Variants in NRG3 observed in about 807,000 individuals in gnomAD.
The protein encoded by NRG3 is pro-neuregulin-3, membrane-bound isoform.
Under a neutral mutation model 66.9 loss-of-function variants are expected in NRG3, and 31 were observed. The observed-to-expected ratio is 0.46, with a 90% confidence interval of 0.35 to 0.63. The LOEUF is 0.63. Ranked by LOEUF, NRG3 falls within the 20% of genes least tolerant of loss-of-function variation. NRG3 has a pLI of 0.00. For synonymous variants in NRG3, 393 were observed against 359.4 expected (o/e 1.09, Z -1.06); for missense variants, 910 against 878.9 (o/e 1.04, Z -0.45).
chr10:82,602,745 C>A (rs1332868694), intron 2 of NRG3, among the ~76,000 whole-genome samples: 1 of 152,120 alleles, frequency 6.6e-6, no homozygotes, highest in African/African-American at 2.4e-5. Context: ...TCTCCATTCT[C>A]TTGATAAGAA....
intron 1 of NRG3, among the ~76,000 whole-genome samples, chr10:82,055,359 CT>C (rs2063788998): frequency 6.6e-6 from 1 of 151,638 alleles, no homozygotes; most frequent in South Asian, 2.1e-4. Context: ...CGCCTGTAAT[CT>C]CAGCTACTCG....
chr10:82,653,389 G>T (rs768104557), intron 2 of NRG3, among the ~76,000 whole-genome samples: 1 of 152,192 alleles, frequency 6.6e-6, no homozygotes, highest in Non-Finnish European at 1.5e-5. Flanking sequence ...AGGGCTCAAA[G>T]AAGAGAAGTT....
chr10:82,202,585 G>C (rs2074896533), intron 1 of NRG3, among the ~76,000 whole-genome samples: 1 of 152,114 alleles, frequency 6.6e-6, no homozygotes, highest in African/African-American at 2.4e-5. Flanking sequence ...ATATTACTTG[G>C]AAATCCTGTT....
intron 1 of NRG3, among the ~76,000 whole-genome samples, chr10:82,096,464 G>C (rs1042783185): frequency 1.3e-5 from 2 of 151,862 alleles, no homozygotes; most frequent in African/African-American, 4.8e-5. Context: ...GACAGAGCGA[G>C]AGTCTCAAAA....
intron 1 of NRG3, among the ~76,000 whole-genome samples, chr10:82,175,072 T>G (rs2072927538): frequency 6.6e-6 from 1 of 152,180 alleles, no homozygotes; most frequent in African/African-American, 2.4e-5. Flanking sequence ...CCTTCTTGTT[T>G]CCTTTGTTTC....
chr10:82,212,998 C>G (rs1019415100), intron 1 of NRG3, among the ~76,000 whole-genome samples: 1 of 152,078 alleles, frequency 6.6e-6, no homozygotes, highest in Non-Finnish European at 1.5e-5. Flanking sequence ...CTTTATTGCC[C>G]AGGCCCTACT....
rs1852028279 is a variant in NRG3, at chr10:82,974,149, A to G, written c.1412+234A>G. ...CCTGATAGAACTATAGATAACACCCATCAAAGTTACAGACCAGTAAAAAAA... is the reference window on the plus strand; with the variant it reads ...CCTGATAGAACTATAGATAACACCCGTCAAAGTTACAGACCAGTAAAAAAA... On this transcript the variant is annotated intron_variant, in intron 7 of 8. Coordinates refer to ENST00000372141, the MANE Select transcript of NRG3 (RefSeq NM_001010848.4). 1.3e-5 allele frequency among the ~76,000 whole-genome samples: 2 copies of G among 152,116 alleles called. 1 individual carries two copies. Among genetic ancestry groups the G allele is most frequent in the South Asian group, 4.1e-4 (2 of 4,824 alleles).
chr10:82,491,640 A>G (rs1843158393), intron 2 of NRG3, among the ~76,000 whole-genome samples: 1 of 152,064 alleles, frequency 6.6e-6, no homozygotes, highest in African/African-American at 2.4e-5. Context: ...ACTAGTGTCT[A>G]ATTTCCTACC....
chr10:82,844,455 G>A (rs2063212578), intron 3 of NRG3, among the ~76,000 whole-genome samples: 1 of 152,152 alleles, frequency 6.6e-6, no homozygotes, highest in African/African-American at 2.4e-5. Context: ...GATAGTTGCA[G>A]TATGTATCTT....
intron 1 of NRG3, among the ~76,000 whole-genome samples, chr10:81,982,806 A>G (rs1391923241): frequency 6.6e-6 from 1 of 152,246 alleles, no homozygotes; most frequent in African/African-American, 2.4e-5. Context: ...GTCTCCAAAT[A>G]CAGTCACATT....
intron 1 of NRG3, among the ~76,000 whole-genome samples, chr10:82,288,780 C>T (rs951202): frequency 0.41 from 61,987 of 152,018 alleles, 14,660 homozygotes; most frequent in African/African-American, 0.66. Flanking sequence ...CTTCTGATGA[C>T]TGGCACATCG....
chr10:82,802,723 G>C (rs1308705458), intron 3 of NRG3, among the ~76,000 whole-genome samples: 1 of 151,934 alleles, frequency 6.6e-6, no homozygotes. Context: ...CCTGATCACG[G>C]CTCACTGAAG....
chr10:82,150,530 CAA>C (rs1188955647), intron 1 of NRG3, among the ~76,000 whole-genome samples: 653 of 26,658 alleles, frequency 0.024, 4 homozygotes, highest in African/African-American at 0.067. Flanking sequence ...AGAGCACACA[CAA>C]AAAAAAAAAA....
chr10:82,860,893 T>C lies in NRG3; in HGVS notation c.1028-4518T>C, dbSNP rs1418791738. Among the ~76,000 whole-genome samples, 4 of 152,242 alleles carry C rather than the reference T, an allele frequency of 2.6e-5. No individual in the cohort carries two copies. In the East Asian group the frequency reaches 5.8e-4, roughly 22 times the overall value. On this transcript the variant is annotated intron_variant, in intron 3 of 8. Transcript: ENST00000372141. Reference sequence around the variant, plus strand: ...ATTAATCTTCACCTGTATCGCTTGATGTTTTCCTGCAGGCGTGAATATCCC... The same window carrying C: ...ATTAATCTTCACCTGTATCGCTTGACGTTTTCCTGCAGGCGTGAATATCCC...
intron 2 of NRG3, among the ~76,000 whole-genome samples, chr10:82,690,432 T>G (rs777156154): frequency 6.6e-6 from 1 of 152,202 alleles, no homozygotes; most frequent in African/African-American, 2.4e-5. Flanking sequence ...CCTCATTTCA[T>G]GCAGGCAGGA....
intron 2 of NRG3, among the ~76,000 whole-genome samples, chr10:82,528,240 G>A (rs899719422): frequency 2.6e-5 from 4 of 152,108 alleles, no homozygotes; most frequent in Non-Finnish European, 5.9e-5. Flanking sequence ...GGTAAGAGAG[G>A]ACATGAGGAG....
intron 2 of NRG3, among the ~76,000 whole-genome samples, chr10:82,521,497 C>T (rs888660767): frequency 8.6e-5 from 13 of 152,038 alleles, no homozygotes; most frequent in Non-Finnish European, 1.9e-4. Flanking sequence ...CCCGCCACCA[C>T]GCCCTGCTAT....
At chr10:82,569,585 A>G (rs2045608585) in intron 2 of NRG3, among the ~76,000 whole-genome samples, 1 of 151,650 alleles carries the variant, frequency 6.6e-6, no homozygotes, top group Non-Finnish European at 1.5e-5. Flanking sequence ...TCTGTTTCCC[A>G]TTCTGTTTTC....
chr10:82,672,815 T>A (rs1300802737), intron 2 of NRG3, among the ~76,000 whole-genome samples: 1 of 152,208 alleles, frequency 6.6e-6, no homozygotes, highest in African/African-American at 2.4e-5. Flanking sequence ...AGTGGCACGA[T>A]CTCGGCTTAC....
Sources: allele counts gnomAD v4.1 joint callset (sites outside exome capture counted in the v4.1 genomes callset), GRCh38; gene constraint gnomAD v4.1.1; transcripts MANE v1.5; gene names NCBI Gene and HGNC (gene_info 2026-07-23, HGNC 2026-07-21).